VAT1L: variants seen among roughly 807,000 people sequenced by gnomAD.
VAT1L encodes putative NADPH-dependent quinone oxidoreductase VAT1L.
In VAT1L, 34 loss-of-function variants were observed where a neutral mutation model predicts 44.1. The ratio of observed to expected loss-of-function variants is 0.77; its 90% CI spans 0.59 to 1.03. VAT1L has a LOEUF of 1.03. Ranked by LOEUF, VAT1L falls within the 50% of genes least tolerant of loss-of-function variation. The probability of loss-of-function intolerance (pLI) is 0.00; values close to 1 mark genes in which losing one functional copy is unlikely to be tolerated. For missense variants in VAT1L, 615 were observed against 538.8 expected (o/e 1.14, Z -1.40); for synonymous variants, 253 against 202.2 (o/e 1.25, Z -2.13).
chr16:77,825,590 CAT>C, intron 3 of VAT1L, 129 bp downstream of exon 3: 1 of 1,062,544 alleles, frequency 9.4e-7, no homozygotes, highest in South Asian at 1.5e-5. Context: ...GTAGAGTTCA[CAT>C]GGACAGCAAA....
chr16:77,833,882 C>A (rs1298290539), intron 3 of VAT1L, among the ~76,000 whole-genome samples: 2 of 152,144 alleles, frequency 1.3e-5, no homozygotes, highest in African/African-American at 4.8e-5. Context: ...GGCCTTCATA[C>A]AAAGAATTCC....
chr16:77,964,779 CTTTTTTTTTTTTTTTTTTT>C (rs10566511), intron 7 of VAT1L, among the ~76,000 whole-genome samples: 8 of 91,880 alleles, frequency 8.7e-5, no homozygotes, highest in African/African-American at 1.2e-4. Context: ...CTTTGTAGCA[CTTTTTTTTTTTTTTTTTTT>C]TTTTTTTTTT....
At chr16:77,971,124 T>G (rs1196095662) in intron 7 of VAT1L, among the ~76,000 whole-genome samples, 1 of 152,154 alleles carries the variant, frequency 6.6e-6, no homozygotes, top group East Asian at 1.9e-4. Flanking sequence ...TGGATTTCAT[T>G]TAACTCTCAT....
intron 1 of VAT1L, among the ~76,000 whole-genome samples, chr16:77,790,806 T>A (rs1228507781): frequency 6.6e-6 from 1 of 152,170 alleles, no homozygotes; most frequent in Non-Finnish European, 1.5e-5. Flanking sequence ...TACACATAGT[T>A]CTGTGTTTTC....
At chr16:77,940,049 G>T (rs796354675) in intron 7 of VAT1L, among the ~76,000 whole-genome samples, 1 of 152,130 alleles carries the variant, frequency 6.6e-6, no homozygotes, top group Admixed American at 6.5e-5. Flanking sequence ...TCCAAGGCAG[G>T]AGAAAGAAAA....
chr16:77,800,037 C>A (rs772233937), intron 1 of VAT1L: 2 of 152,196 alleles, frequency 1.3e-5, no homozygotes, highest in African/African-American at 2.4e-5. Context: ...TTCCTCATCT[C>A]AGCTTTCTCC....
At chr16:77,914,873 C>G (rs961408431) in intron 7 of VAT1L, among the ~76,000 whole-genome samples, 5 of 152,140 alleles carry the variant, frequency 3.3e-5, no homozygotes, top group Non-Finnish European at 7.3e-5. Context: ...CGCCTGTAAT[C>G]CCAGCACTTT....
chr16:77,955,512 G>T (rs1277900553), intron 7 of VAT1L, among the ~76,000 whole-genome samples: 1 of 152,174 alleles, frequency 6.6e-6, no homozygotes, highest in Non-Finnish European at 1.5e-5. Flanking sequence ...ATTGCTTGAG[G>T]TCAGGTGTTC....
At chr16:77,889,501 T>C (rs1388487220) in intron 7 of VAT1L, among the ~76,000 whole-genome samples, 1 of 152,174 alleles carries the variant, frequency 6.6e-6, no homozygotes, top group Admixed American at 6.5e-5. Context: ...GTGCTAATCC[T>C]CTTTTAGGAT....
At chr16:77,895,912 GC>G (rs1418283728) in intron 7 of VAT1L, among the ~76,000 whole-genome samples, 6 of 152,178 alleles carry the variant, frequency 3.9e-5, no homozygotes, top group Non-Finnish European at 5.9e-5. Flanking sequence ...AGGGAACGAA[GC>G]CTGGAGGAAG....
At chr16:77,864,506 T>G (rs557790669) in intron 4 of VAT1L, among the ~76,000 whole-genome samples, 159 of 152,204 alleles carry the variant, frequency 1.0e-3, no homozygotes, top group Non-Finnish European at 1.8e-3. Context: ...CTCAGAAGGC[T>G]GAGGTGGGTG....
chr16:77,917,006 C>T (rs764722555), intron 7 of VAT1L, among the ~76,000 whole-genome samples: 16 of 152,082 alleles, frequency 1.1e-4, no homozygotes, highest in Admixed American at 2.6e-4. Context: ...TGTATTACTT[C>T]GGTGATCAAA....
At chr16:77,822,055 C>T (rs2016461507) in intron 2 of VAT1L, among the ~76,000 whole-genome samples, 1 of 152,204 alleles carries the variant, frequency 6.6e-6, no homozygotes, top group Admixed American at 6.5e-5. Context: ...AGGGGCTGAT[C>T]CTTTCCTTCT....
rs752085397 is a variant in VAT1L at position 77,788,763 on chromosome 16, C to T, written c.81C>T (p.Gly27=). The T allele has an allele frequency of 1.3e-5, 20 of 1,561,140 alleles. No homozygotes were observed. The highest frequency in any genetic ancestry group is 1.6e-5 in the Non-Finnish European group (19 of 1,152,840). Reference sequence around the variant, plus strand: ...AGGCAGGCAAGGAGCCGGCGGAGGGCGGCGGCGGCGACGGCTCGCACCGCC... The same window carrying T: ...AGGCAGGCAAGGAGCCGGCGGAGGGTGGCGGCGGCGACGGCTCGCACCGCC... ...EKEAGKEPAE[G]GGGDGSHRLG... The change falls in exon 1 of 9, where the codon GGC becomes GGT. Residue 27 remains glycine (G), a synonymous_variant. Coordinates refer to ENST00000302536, the MANE Select transcript of VAT1L (RefSeq NM_020927.3).
intron 7 of VAT1L, among the ~76,000 whole-genome samples, chr16:77,891,549 T>C (rs1345788861): frequency 6.6e-6 from 1 of 152,224 alleles, no homozygotes; most frequent in Non-Finnish European, 1.5e-5. Flanking sequence ...TGAAGGTCGC[T>C]GTCCAAATGC....
At chr16:77,972,649 C>T (rs2142545952) in intron 8 of VAT1L, among the ~76,000 whole-genome samples, 1 of 152,134 alleles carries the variant, frequency 6.6e-6, no homozygotes, top group East Asian at 1.9e-4. Flanking sequence ...GGTGTGGTGT[C>T]AGGTGCCTGT....
intron 7 of VAT1L, among the ~76,000 whole-genome samples, chr16:77,926,368 A>C (rs759375875): frequency 2.0e-5 from 3 of 152,018 alleles, no homozygotes; most frequent in Non-Finnish European, 2.9e-5. Flanking sequence ...AGATCGCCTA[A>C]GGACAGGTGT....
Position 77,977,775 on chromosome 16 carries a change from G to T in VAT1L, c.*80G>T. The T allele has an allele frequency of 7.4e-7, 1 of 1,348,088 alleles. No homozygotes were observed. The highest frequency in any genetic ancestry group is 1.0e-6 in the Non-Finnish European group (1 of 962,632). 83.5% of individuals were successfully genotyped at this position (1,348,088 alleles called of 1,614,324 possible). ...TGAGAAAACTCTTCTGTGCCCCAGT[G>T]AACAAATGCTGTAGTCCAGTGCGTG... On this transcript the variant is annotated 3_prime_UTR_variant, in exon 9 of 9. Transcript: ENST00000302536.
chr16:77,939,479 A>G (rs1336982611), intron 7 of VAT1L, among the ~76,000 whole-genome samples: 2 of 152,172 alleles, frequency 1.3e-5, no homozygotes, highest in Non-Finnish European at 2.9e-5. Context: ...CCCTTTAGAG[A>G]TCTGTTGTTA....
Sources: allele counts gnomAD v4.1 joint callset (sites outside exome capture counted in the v4.1 genomes callset), GRCh38; gene constraint gnomAD v4.1.1; transcripts MANE v1.5; gene names NCBI Gene and HGNC (gene_info 2026-07-23, HGNC 2026-07-21).